LAMA2: variants seen among roughly 807,000 people sequenced by gnomAD.
The protein encoded by LAMA2 is laminin subunit alpha-2.
A neutral mutation model predicts 364.8 loss-of-function variants in LAMA2; 269 were observed. The ratio of observed to expected loss-of-function variants is 0.74; its 90% CI spans 0.67 to 0.82. The LOEUF (loss-of-function observed/expected upper bound fraction) is 0.82, where lower values mean the gene tolerates loss of function less well. LAMA2 is among the 40% of genes least tolerant of loss of function. The probability of loss-of-function intolerance (pLI) is 0.00; values close to 1 mark genes in which losing one functional copy is unlikely to be tolerated. For missense variants in LAMA2, 3,807 were observed against 3,873.2 expected (o/e 0.98, Z 0.45); for synonymous variants, 1,379 against 1,370.6 (o/e 1.01, Z -0.14).
intron 1 of LAMA2, among the ~76,000 whole-genome samples, chr6:128,962,919 A>G (rs1215727330): frequency 6.6e-6 from 1 of 152,218 alleles, no homozygotes; most frequent in Non-Finnish European, 1.5e-5. Flanking sequence ...CTTATTAATG[A>G]AAGTGTAACA....
chr6:129,412,105 G>A (rs1382083793), intron 40 of LAMA2, among the ~76,000 whole-genome samples: 1 of 152,100 alleles, frequency 6.6e-6, no homozygotes, highest in Non-Finnish European at 1.5e-5. Flanking sequence ...GAGTTCTCCA[G>A]AGAAACAGAA....
At chr6:129,184,507 A>G (rs759872452) in intron 10 of LAMA2, among the ~76,000 whole-genome samples, 3 of 151,824 alleles carry the variant, frequency 2.0e-5, no homozygotes, top group Admixed American at 1.3e-4. Context: ...AGCTTGGTTA[A>G]AGCAAGAATT....
At chr6:129,491,286 G>A (rs1784848879) in intron 56 of LAMA2, among the ~76,000 whole-genome samples, 1 of 152,160 alleles carries the variant, frequency 6.6e-6, no homozygotes, top group Non-Finnish European at 1.5e-5. Flanking sequence ...AGTAGCATGA[G>A]GTTCTCAATT....
At chr6:129,066,449 T>A (rs1789360538) in intron 3 of LAMA2, among the ~76,000 whole-genome samples, 1 of 152,094 alleles carries the variant, frequency 6.6e-6, no homozygotes, top group Non-Finnish European at 1.5e-5. Flanking sequence ...AAGACACAAA[T>A]AAATGGGAAA....
chr6:129,314,245 A>G (rs1774414269), intron 23 of LAMA2, among the ~76,000 whole-genome samples: 1 of 152,070 alleles, frequency 6.6e-6, no homozygotes, highest in Non-Finnish European at 1.5e-5. Flanking sequence ...CTAAAAATAC[A>G]AAAATTAGCT....
chr6:129,034,868 C>G (rs1786506076), intron 1 of LAMA2, among the ~76,000 whole-genome samples: 1 of 152,118 alleles, frequency 6.6e-6, no homozygotes, highest in African/African-American at 2.4e-5. Context: ...TTTTCTTTGT[C>G]CAACCAACAC....
In LAMA2 at chr6:129,446,457, G is replaced by C. The variant is rs566561409; in HGVS notation, c.6429+636G>C. 7.6e-4 allele frequency among the ~76,000 whole-genome samples: 110 copies of C among 144,560 alleles called. 1 individual carries two copies. Among genetic ancestry groups the C allele is most frequent in the African/African-American group, 2.8e-3 (107 of 38,720 alleles). The allele number at this position is 144,560 out of a possible 152,430, so 94.8% of individuals were successfully genotyped here. A position where few individuals can be genotyped will look rare whatever the true frequency, so the allele number is the denominator to read the frequency against. The stretch of plus-strand genomic sequence containing the variant: ...TAGCATGCTAATGAGCCAGGGCAGA[G>C]TTGCTAAGTGGCAACGTGAAACTTT... On this transcript the variant is annotated intron_variant, in intron 45 of 64. Coordinates refer to ENST00000421865, the MANE Select transcript of LAMA2 (RefSeq NM_000426.4).
intron 48 of LAMA2, among the ~76,000 whole-genome samples, chr6:129,459,883 G>A (rs1268317238): frequency 1.3e-5 from 2 of 152,034 alleles, no homozygotes; most frequent in South Asian, 2.1e-4. Context: ...GAATAGAATT[G>A]TGGAGAAGGT....
At chr6:129,202,589 T>C (rs1162359680) in intron 12 of LAMA2, among the ~76,000 whole-genome samples, 2 of 152,206 alleles carry the variant, frequency 1.3e-5, no homozygotes, top group Non-Finnish European at 2.9e-5. Context: ...ATATTTTTAA[T>C]GCTTAAAAAC....
At chr6:129,174,278 A>G (rs1157842295) in intron 9 of LAMA2, among the ~76,000 whole-genome samples, 1 of 152,108 alleles carries the variant, frequency 6.6e-6, no homozygotes, top group East Asian at 1.9e-4. Flanking sequence ...TATATTTCAT[A>G]AGGAAATTTT....
At chr6:129,499,935 AG>A (rs1190291388) in intron 58 of LAMA2, among the ~76,000 whole-genome samples, 1 of 151,834 alleles carries the variant, frequency 6.6e-6, no homozygotes, top group African/African-American at 2.4e-5. Flanking sequence ...GGAGAGACAG[AG>A]GGGGGCAGGG....
chr6:129,077,802 A>G (rs1398225258), intron 3 of LAMA2, among the ~76,000 whole-genome samples: 3 of 152,182 alleles, frequency 2.0e-5, no homozygotes, highest in Non-Finnish European at 4.4e-5. Context: ...CATCCACATC[A>G]TTGCACAGGC....
At chr6:129,068,221 G>A (rs942633915) in intron 3 of LAMA2, among the ~76,000 whole-genome samples, 7 of 152,188 alleles carry the variant, frequency 4.6e-5, no homozygotes, top group African/African-American at 1.7e-4. Flanking sequence ...AGGATTAAGT[G>A]ATTTCACTGT....
At chr6:129,434,848 G>T (rs1781760246) in intron 41 of LAMA2, among the ~76,000 whole-genome samples, 1 of 152,046 alleles carries the variant, frequency 6.6e-6, no homozygotes, top group African/African-American at 2.4e-5. Flanking sequence ...GCTACAAAAT[G>T]TTTAGATGTA....
At chr6:129,204,067 G>A (rs1782466560) in intron 12 of LAMA2, among the ~76,000 whole-genome samples, 1 of 152,224 alleles carries the variant, frequency 6.6e-6, no homozygotes, top group Non-Finnish European at 1.5e-5. Context: ...TCTGGTGGTA[G>A]TAAGGATAAG....
intron 14 of LAMA2, among the ~76,000 whole-genome samples, chr6:129,254,098 A>G (rs1786459827): frequency 6.6e-6 from 1 of 152,214 alleles, no homozygotes; most frequent in Non-Finnish European, 1.5e-5. Flanking sequence ...AATTGATTTC[A>G]ACTTGTCTTG....
intron 27 of LAMA2, among the ~76,000 whole-genome samples, chr6:129,316,608 C>A (rs1158844190): frequency 6.6e-6 from 1 of 152,180 alleles, no homozygotes; most frequent in Non-Finnish European, 1.5e-5. Context: ...GTGTGCCATA[C>A]AATGTTGTCA....
chr6:129,282,690 TCAA>T (rs1378875438), intron 18 of LAMA2, among the ~76,000 whole-genome samples: 1 of 152,144 alleles, frequency 6.6e-6, no homozygotes, highest in Non-Finnish European at 1.5e-5. Flanking sequence ...AGAAAGTCTC[TCAA>T]CTACTTTCAT....
chr6:129,042,591 A>G (rs1238048317), intron 1 of LAMA2, among the ~76,000 whole-genome samples: 2 of 152,154 alleles, frequency 1.3e-5, no homozygotes, highest in African/African-American at 2.4e-5. Flanking sequence ...ACAAATACAT[A>G]CACCATTATA....
Sources: allele counts gnomAD v4.1 joint callset (sites outside exome capture counted in the v4.1 genomes callset), GRCh38; gene constraint gnomAD v4.1.1; transcripts MANE v1.5; gene names NCBI Gene and HGNC (gene_info 2026-07-23, HGNC 2026-07-21).